Variants in NOS1AP observed in about 807,000 individuals in gnomAD.
NOS1AP encodes carboxyl-terminal PDZ ligand of neuronal nitric oxide synthase protein.
Under a neutral mutation model 56.2 loss-of-function variants are expected in NOS1AP, and 21 were observed. That is an observed-to-expected ratio of 0.37 (90% CI 0.26 to 0.54). The LOEUF (loss-of-function observed/expected upper bound fraction) is 0.54. Among genes scored for constraint, NOS1AP ranks in the 20% least tolerant of loss-of-function variants. The pLI is 0.84. For synonymous variants in NOS1AP, 270 were observed against 274.6 expected (o/e 0.98, Z 0.17); for missense variants, 522 against 657.8 (o/e 0.79, Z 2.26).
intron 2 of NOS1AP, among the ~76,000 whole-genome samples, chr1:162,231,995 G>A (rs1653139106): frequency 6.6e-6 from 1 of 152,220 alleles, no homozygotes. Context: ...TATTTTCAAA[G>A]TTGGTTTAAT....
chr1:162,332,364 T>A (rs1656796412), intron 4 of NOS1AP, among the ~76,000 whole-genome samples: 1 of 152,248 alleles, frequency 6.6e-6, no homozygotes, highest in African/African-American at 2.4e-5. Flanking sequence ...ATTTGCTTAT[T>A]TGCATTGTCT....
At chr1:162,293,811 C>T (rs1399294754) in intron 3 of NOS1AP, among the ~76,000 whole-genome samples, 1 of 152,158 alleles carries the variant, frequency 6.6e-6, no homozygotes, top group Non-Finnish European at 1.5e-5. Flanking sequence ...GACTAGGTGG[C>T]CTTGGAGGGA....
At chr1:162,113,613 C>T (rs1467232543) in intron 1 of NOS1AP, among the ~76,000 whole-genome samples, 3 of 152,090 alleles carry the variant, frequency 2.0e-5, no homozygotes, top group Non-Finnish European at 4.4e-5. Context: ...TTTACATGGC[C>T]GGAACGGGAG....
At chr1:162,319,649 CT>C (rs1656348564) in intron 4 of NOS1AP, among the ~76,000 whole-genome samples, 1 of 152,136 alleles carries the variant, frequency 6.6e-6, no homozygotes, top group Non-Finnish European at 1.5e-5. Context: ...TGTCCCAGAT[CT>C]GCTCAGCAGC....
At position 162,369,715 on chromosome 1, in the gene NOS1AP, G is replaced by A. The variant is rs1647328098; in HGVS notation, c.*2248G>A. ...GACTCCTGCCCTTGGGGTGTTCCAT[G>A]GTGGTTTCTTCCTGCCTGGGCGCCA... On this transcript the variant is annotated 3_prime_UTR_variant, in exon 10 of 10. Coordinates refer to ENST00000361897, the MANE Select transcript of NOS1AP (RefSeq NM_014697.3). 6.6e-6 allele frequency: 1 copy of A among 152,334 alleles called. No individual in the cohort carries two copies. The highest frequency in any genetic ancestry group is 1.5e-5 in the Non-Finnish European group (1 of 68,116). 9.4% of individuals were successfully genotyped at this position (152,334 alleles called of 1,614,324 possible).
chr1:162,146,420 A>AGGAG (rs1649467940), intron 1 of NOS1AP, among the ~76,000 whole-genome samples: 1 of 152,116 alleles, frequency 6.6e-6, no homozygotes, highest in South Asian at 2.1e-4. Context: ...GCTGGGGTTT[A>AGGAG]CACATGATTT....
At chr1:162,077,456 T>C (rs1335738475) in intron 1 of NOS1AP, among the ~76,000 whole-genome samples, 4 of 152,226 alleles carry the variant, frequency 2.6e-5, no homozygotes, top group African/African-American at 7.2e-5. Context: ...GGATTGGCTT[T>C]TTTACTATTG....
intron 2 of NOS1AP, among the ~76,000 whole-genome samples, chr1:162,257,759 T>A (rs1047284973): frequency 3.9e-5 from 6 of 152,106 alleles, no homozygotes; most frequent in Non-Finnish European, 7.4e-5. Flanking sequence ...GAAGTGTCCA[T>A]TGGCTACATG....
intron 1 of NOS1AP, among the ~76,000 whole-genome samples, chr1:162,109,530 C>T (rs1269159127): frequency 6.6e-6 from 1 of 152,008 alleles, no homozygotes; most frequent in Non-Finnish European, 1.5e-5. Flanking sequence ...CAGAGTCGCC[C>T]TGTGTTGGTG....
chr1:162,125,919 G>A (rs1204163924), intron 1 of NOS1AP, among the ~76,000 whole-genome samples: 1 of 152,004 alleles, frequency 6.6e-6, no homozygotes, highest in African/African-American at 2.4e-5. Context: ...GGAATGTATT[G>A]CCATTTGTTT....
At chr1:162,129,373 C>T (rs1648642676) in intron 1 of NOS1AP, among the ~76,000 whole-genome samples, 1 of 152,132 alleles carries the variant, frequency 6.6e-6, no homozygotes, top group Admixed American at 6.6e-5. Context: ...TGATTGTTGC[C>T]CACTAGCCCA....
intron 1 of NOS1AP, among the ~76,000 whole-genome samples, chr1:162,074,250 C>G (rs1691725284): frequency 6.6e-6 from 1 of 152,102 alleles, no homozygotes; most frequent in South Asian, 2.1e-4. Context: ...TACTATGTGC[C>G]ATACATTATT....
intron 6 of NOS1AP, among the ~76,000 whole-genome samples, chr1:162,350,269 A>G (rs1032388764): frequency 6.6e-6 from 1 of 152,198 alleles, no homozygotes; most frequent in Non-Finnish European, 1.5e-5. Context: ...CTGTCTTGTC[A>G]TGTCTTTTCA....
chr1:162,317,670 G>C (rs1259958889), intron 4 of NOS1AP: 1 of 152,096 alleles, frequency 6.6e-6, no homozygotes, highest in Non-Finnish European at 1.5e-5. Context: ...CATCCCTCAG[G>C]TCCTGAGAGC....
At chr1:162,151,087 A>T (rs1011808719) in intron 1 of NOS1AP, among the ~76,000 whole-genome samples, 5 of 152,142 alleles carry the variant, frequency 3.3e-5, no homozygotes, top group Admixed American at 6.6e-5. Flanking sequence ...ACAGTTTCAT[A>T]GTGTGAGGTC....
intron 8 of NOS1AP, chr1:162,365,074 A>ATGTACACG: frequency 9.4e-7 from 1 of 1,059,168 alleles, no homozygotes. Flanking sequence ...GTGTGTGTAT[A>ATGTACACG]TGTGCACGTG....
chr1:162,251,595 T>A (rs1261394546), intron 2 of NOS1AP, among the ~76,000 whole-genome samples: 1 of 102,812 alleles, frequency 9.7e-6, no homozygotes, highest in Non-Finnish European at 1.9e-5. Context: ...TTATTTAAAA[T>A]ATATATATGT....
At chr1:162,172,743 C>T (rs907608574) in intron 2 of NOS1AP, among the ~76,000 whole-genome samples, 2 of 151,970 alleles carry the variant, frequency 1.3e-5, no homozygotes, top group African/African-American at 4.8e-5. Flanking sequence ...TGTTTGTTTT[C>T]ATCTCAAGGT....
At chr1:162,360,961 G>C (rs1321014740) in intron 8 of NOS1AP, 1 of 456,420 alleles carries the variant, frequency 2.2e-6, no homozygotes, top group Non-Finnish European at 4.4e-6. Flanking sequence ...CAATGGTCTG[G>C]TGTGGCTGGG....
Sources: allele counts gnomAD v4.1 joint callset (sites outside exome capture counted in the v4.1 genomes callset), GRCh38; gene constraint gnomAD v4.1.1; transcripts MANE v1.5; gene names NCBI Gene and HGNC (gene_info 2026-07-23, HGNC 2026-07-21).